ERC2: variants seen among roughly 807,000 people sequenced by gnomAD.
ERC2 encodes ERC protein 2.
In ERC2, 42 loss-of-function variants were observed where a neutral mutation model predicts 114.8. That is an observed-to-expected ratio of 0.37 (90% CI 0.29 to 0.47). The LOEUF (loss-of-function observed/expected upper bound fraction) is 0.47, where lower values mean the gene tolerates loss of function less well. Among genes scored for constraint, ERC2 ranks in the 20% least tolerant of loss-of-function variants. The probability of loss-of-function intolerance (pLI) is 0.99; values close to 1 mark genes in which losing one functional copy is unlikely to be tolerated. For synonymous variants in ERC2, 454 were observed against 425.5 expected, an observed-to-expected ratio of 1.07 and a Z score of -0.82; for missense variants, 939 against 1,150.7, an observed-to-expected ratio of 0.82 and a Z score of 2.66.
At chr3:56,330,909 G>C (rs969528112) in intron 2 of ERC2, among the ~76,000 whole-genome samples, 1 of 152,164 alleles carries the variant, frequency 6.6e-6, no homozygotes, top group African/African-American at 2.4e-5. Flanking sequence ...GGACTTATGA[G>C]GGAGGTACTG....
chr3:56,279,279 C>T (rs2054198782), intron 3 of ERC2, among the ~76,000 whole-genome samples: 1 of 152,112 alleles, frequency 6.6e-6, no homozygotes, highest in Admixed American at 6.5e-5. Flanking sequence ...CATGGTTCTT[C>T]CTTTTGATAT....
intron 6 of ERC2, among the ~76,000 whole-genome samples, chr3:56,111,372 C>T (rs1487668584): frequency 6.7e-6 from 1 of 150,354 alleles, no homozygotes; most frequent in African/African-American, 2.5e-5. Context: ...TCAATCTCTC[C>T]CTCTCTCTCC....
chr3:55,564,069 C>T (rs1238245757), intron 17 of ERC2, among the ~76,000 whole-genome samples: 1 of 152,190 alleles, frequency 6.6e-6, no homozygotes, highest in Non-Finnish European at 1.5e-5. Context: ...TAATGGTTTG[C>T]TAAGCATCTA....
chr3:56,135,787 G>A (rs576121107), intron 6 of ERC2, among the ~76,000 whole-genome samples: 1 of 152,250 alleles, frequency 6.6e-6, no homozygotes, highest in South Asian at 2.1e-4. Context: ...ATCCTTCCCA[G>A]TTTATGGATA....
At chr3:56,099,984 T>G (rs144338530) in intron 6 of ERC2, among the ~76,000 whole-genome samples, 1 of 152,022 alleles carries the variant, frequency 6.6e-6, no homozygotes, top group African/African-American at 2.4e-5. Flanking sequence ...AGCACTCTTA[T>G]TGGGGAGAAA....
chr3:56,137,520 C>G (rs1560236058), intron 6 of ERC2, among the ~76,000 whole-genome samples: 1 of 152,140 alleles, frequency 6.6e-6, no homozygotes, highest in Non-Finnish European at 1.5e-5. Flanking sequence ...CTGTAAAAAG[C>G]CAGACAGTAA....
intron 5 of ERC2, among the ~76,000 whole-genome samples, chr3:56,142,505 C>G (rs74752670): frequency 0.039 from 5,990 of 151,986 alleles, 412 homozygotes; most frequent in African/African-American, 0.14. Flanking sequence ...ATTCTATTTT[C>G]TTTTCCTAAC....
intron 2 of ERC2, among the ~76,000 whole-genome samples, chr3:56,327,636 A>C (rs535082414): frequency 6.6e-6 from 1 of 152,240 alleles, no homozygotes; most frequent in South Asian, 2.1e-4. Context: ...AGATCATACC[A>C]CTGCACTCCG....
chr3:55,843,436 A>G (rs1292267580), intron 14 of ERC2, among the ~76,000 whole-genome samples: 1 of 152,216 alleles, frequency 6.6e-6, no homozygotes, highest in Non-Finnish European at 1.5e-5. Context: ...GGATAAAAAT[A>G]TTGAATGATA....
chr3:56,423,882 C>A (rs531034033), intron 2 of ERC2, among the ~76,000 whole-genome samples: 1 of 152,268 alleles, frequency 6.6e-6, no homozygotes, highest in South Asian at 2.1e-4. Flanking sequence ...TATGTTCCTG[C>A]GAGGCCAAAC....
chr3:55,559,948 T>C (rs569366531), intron 17 of ERC2, among the ~76,000 whole-genome samples: 3 of 152,272 alleles, frequency 2.0e-5, no homozygotes, highest in Admixed American at 2.0e-4. Flanking sequence ...GCTCAGACAT[T>C]ATCTCATCCA....
At chr3:56,163,161 G>A (rs1042565673) in intron 4 of ERC2, among the ~76,000 whole-genome samples, 18 of 152,040 alleles carry the variant, frequency 1.2e-4, no homozygotes, top group Non-Finnish European at 2.1e-4. Flanking sequence ...TAATTTCCAT[G>A]TAATTATGTG....
At chr3:55,729,865 AT>A (rs201674932) in intron 15 of ERC2, among the ~76,000 whole-genome samples, 4 of 145,404 alleles carry the variant, frequency 2.8e-5, no homozygotes, top group African/African-American at 1.1e-4. Flanking sequence ...AAAAAAAAAA[AT>A]TGTAAGCTAC....
chr3:56,167,740 C>G (rs1363680815), intron 4 of ERC2, among the ~76,000 whole-genome samples: 1 of 152,022 alleles, frequency 6.6e-6, no homozygotes, highest in African/African-American at 2.4e-5. Flanking sequence ...CAGTCCTTTA[C>G]AAGTTTGAAC....
intron 2 of ERC2, among the ~76,000 whole-genome samples, chr3:56,299,102 T>C (rs868373390): frequency 4.9e-4 from 73 of 148,210 alleles, no homozygotes; most frequent in African/African-American, 1.7e-3. Context: ...GATAGTTTTT[T>C]TTTGTTTTTT....
Position 56,018,941 on chromosome 3 carries a change from T to G in ERC2, c.1732A>C (p.Asn578His). The change falls in exon 8 of 18, where the codon AAT becomes CAT. Residue 578 changes from asparagine (N) to histidine (H), a missense_variant. Physicochemically the swap from Asn to His is moderately conservative, Grantham distance 68 (BLOSUM62 1). Around this residue, in one of 5 missense-constraint regions of ERC2, gnomAD observed 149 missense variants for 254.6 expected, o/e 0.59. Transcript: ENST00000288221. ...AGCGTCGCCAGTGCAGTATCTGTAT[T>G]ACTGGAATCCGTCTGCAAGGACTTC... ...RVKSLQTDSS[N>H]TDTALATLEE... 1 of 1,613,400 alleles carries G rather than the reference T, an allele frequency of 6.2e-7. No homozygotes were observed. The highest frequency in any genetic ancestry group is 1.1e-5 in the South Asian group (1 of 91,056).
intron 2 of ERC2, among the ~76,000 whole-genome samples, chr3:56,311,249 CTCTCTCTATATATATATATA>C (rs1232307815): frequency 1.9e-4 from 8 of 41,942 alleles, no homozygotes; most frequent in African/African-American, 6.0e-4. Context: ...CTCTCTCTCT[CTCTCTCTATATATATATATA>C]TATATATATA....
intron 7 of ERC2, among the ~76,000 whole-genome samples, chr3:56,056,885 T>C (rs1054683689): frequency 6.6e-6 from 1 of 152,206 alleles, no homozygotes; most frequent in African/African-American, 2.4e-5. Context: ...TACTGAGCTC[T>C]TTTCACTCAT....
At chr3:56,000,744 T>C (rs1419348274) in intron 10 of ERC2, among the ~76,000 whole-genome samples, 1 of 151,956 alleles carries the variant, frequency 6.6e-6, no homozygotes, top group Non-Finnish European at 1.5e-5. Context: ...ACTATTGGGA[T>C]CTTTACAAAT....
Sources: gnomAD v4.1 joint callset for allele counts (sites outside exome capture counted in the v4.1 genomes callset) on GRCh38, gnomAD v4.1.1 for gene constraint, gnomAD v4.1.1 regional missense constraint, MANE v1.5 for transcripts, NCBI Gene and HGNC (gene_info 2026-07-23, HGNC 2026-07-21) for gene names.